Variants in ESRRG observed in about 807,000 individuals in gnomAD.
The protein encoded by ESRRG is estrogen-related receptor gamma.
In ESRRG, 13 loss-of-function variants were observed where a neutral mutation model predicts 44.0. The observed-to-expected ratio is 0.30, with a 90% confidence interval of 0.19 to 0.47. The LOEUF is 0.47. ESRRG is among the 20% of genes least tolerant of loss of function. The pLI, the probability that ESRRG is intolerant of heterozygous loss-of-function variation, is 1.00. For missense variants in ESRRG, 395 were observed against 580.6 expected (o/e 0.68, Z 3.29); for synonymous variants, 215 against 214.6 (o/e 1.00, Z -0.02).
At chr1:217,030,488 G>T (rs1015825686) in intron 1 of ESRRG, among the ~76,000 whole-genome samples, 12 of 152,178 alleles carry the variant, frequency 7.9e-5, no homozygotes, top group African/African-American at 2.7e-4. Flanking sequence ...CTGAGTTATA[G>T]TATGAGGTCT....
chr1:216,629,509 C>T (rs956011457), intron 3 of ESRRG, among the ~76,000 whole-genome samples: 1 of 152,086 alleles, frequency 6.6e-6, no homozygotes, highest in African/African-American at 2.4e-5. Context: ...TTATTAACTC[C>T]AATATCTAAG....
intron 1 of ESRRG, among the ~76,000 whole-genome samples, chr1:217,060,671 T>G (rs796614383): frequency 3.3e-5 from 5 of 152,164 alleles, no homozygotes; most frequent in African/African-American, 1.2e-4. Flanking sequence ...AAAATGAAGT[T>G]TATCCTAAGA....
intron 1 of ESRRG, among the ~76,000 whole-genome samples, chr1:217,083,554 G>A (rs534079485): frequency 2.3e-4 from 35 of 152,282 alleles, no homozygotes; most frequent in African/African-American, 7.9e-4. Flanking sequence ...GATGAAGTGG[G>A]TAACTAGCTC....
At chr1:216,566,595 G>A (rs2059722019) in intron 4 of ESRRG, among the ~76,000 whole-genome samples, 1 of 152,144 alleles carries the variant, frequency 6.6e-6, no homozygotes, top group African/African-American at 2.4e-5. Flanking sequence ...TAAAATAAAT[G>A]AGAAATGGGC....
At chr1:216,987,583 GA>G (rs1428211394) in intron 1 of ESRRG, among the ~76,000 whole-genome samples, 4 of 152,206 alleles carry the variant, frequency 2.6e-5, no homozygotes, top group Non-Finnish European at 2.9e-5. Flanking sequence ...TTCTGTAGAA[GA>G]GTTTGGTTAA....
chr1:217,001,046 G>T (rs924042309), intron 1 of ESRRG, among the ~76,000 whole-genome samples: 1 of 152,214 alleles, frequency 6.6e-6, no homozygotes, highest in Admixed American at 6.5e-5. Flanking sequence ...ATCATAAAGT[G>T]CATGCAAGCA....
intron 2 of ESRRG, among the ~76,000 whole-genome samples, chr1:216,924,663 C>T (rs915330927): frequency 4.6e-5 from 7 of 152,122 alleles, no homozygotes; most frequent in Admixed American, 2.0e-4. Flanking sequence ...ACTATTGTTG[C>T]CATGGCAATC....
At chr1:216,873,363 C>G (rs1338333322) in intron 2 of ESRRG, among the ~76,000 whole-genome samples, 1 of 152,050 alleles carries the variant, frequency 6.6e-6, no homozygotes, top group African/African-American at 2.4e-5. Context: ...AGGCGCCAGC[C>G]AGCACACCCG....
At chr1:216,932,359 T>C (rs906399960) in intron 2 of ESRRG, among the ~76,000 whole-genome samples, 1 of 152,218 alleles carries the variant, frequency 6.6e-6, no homozygotes, top group African/African-American at 2.4e-5. Flanking sequence ...AGTAAATCCA[T>C]GTAAAGAAGT....
At chr1:216,542,108 G>GAGAGAT (rs5780891) in intron 5 of ESRRG, among the ~76,000 whole-genome samples, 2 of 145,186 alleles carry the variant, frequency 1.4e-5, no homozygotes, top group Non-Finnish European at 3.0e-5. Flanking sequence ...GAGAGAGAGA[G>GAGAGAT]AGATAGAATG....
intron 2 of ESRRG, among the ~76,000 whole-genome samples, chr1:216,851,256 T>C (rs1486287999): frequency 6.6e-6 from 1 of 152,064 alleles, no homozygotes. Flanking sequence ...CTAAAAGCTG[T>C]GTGCTTTGAG....
At chr1:216,649,226 C>T (rs1200418576) in intron 3 of ESRRG, among the ~76,000 whole-genome samples, 1 of 152,082 alleles carries the variant, frequency 6.6e-6, no homozygotes, top group Non-Finnish European at 1.5e-5. Context: ...TCACTGGAGC[C>T]TGGAATAGTG....
At chr1:216,976,998 T>A (rs555644067) in intron 1 of ESRRG, among the ~76,000 whole-genome samples, 3 of 152,138 alleles carry the variant, frequency 2.0e-5, no homozygotes, top group African/African-American at 7.2e-5. Flanking sequence ...TCCTTTCTTA[T>A]GTAGTGCTCA....
At chr1:217,090,522 A>T (rs1243350925), upstream of ESRRG, 1 of 152,142 alleles carries the variant, frequency 6.6e-6, no homozygotes, top group African/African-American at 2.4e-5. Flanking sequence ...GCTGACTTGC[A>T]TCTCTCAGTT....
At chr1:216,905,925 A>G (rs2059632909) in intron 2 of ESRRG, among the ~76,000 whole-genome samples, 1 of 152,016 alleles carries the variant, frequency 6.6e-6, no homozygotes, top group African/African-American at 2.4e-5. Context: ...TAATTTTTGT[A>G]TATTTAGTAA....
At chr1:216,694,315 G>T (rs1238825935) in intron 1 of ESRRG, among the ~76,000 whole-genome samples, 1 of 152,182 alleles carries the variant, frequency 6.6e-6, no homozygotes, top group Non-Finnish European at 1.5e-5. Flanking sequence ...AGAAAGCAGG[G>T]AGTAGTCTCA....
intron 3 of ESRRG, among the ~76,000 whole-genome samples, chr1:216,576,546 T>C (rs1301363022): frequency 6.6e-6 from 1 of 152,000 alleles, no homozygotes; most frequent in East Asian, 1.9e-4. Context: ...TCAAGTTGCA[T>C]CCAAAATACA....
At chr1:216,567,116 G>A (rs750946867) in intron 4 of ESRRG, among the ~76,000 whole-genome samples, 1 of 152,116 alleles carries the variant, frequency 6.6e-6, no homozygotes, top group Non-Finnish European at 1.5e-5. Flanking sequence ...GATGAGTGCT[G>A]GTTGTGTCTT....
chr1:216,826,120 T>A (rs1314052629), intron 2 of ESRRG, among the ~76,000 whole-genome samples: 3 of 151,920 alleles, frequency 2.0e-5, no homozygotes, highest in African/African-American at 7.3e-5. Context: ...TAGAGTTACT[T>A]TGAATTTAAA....
Sources: gnomAD v4.1 joint callset for allele counts (sites outside exome capture counted in the v4.1 genomes callset) on GRCh38, gnomAD v4.1.1 for gene constraint, MANE v1.5 for transcripts, NCBI Gene and HGNC (gene_info 2026-07-23, HGNC 2026-07-21) for gene names.